Variants in WDR59 observed in about 807,000 individuals in gnomAD.
The protein encoded by WDR59 is WD repeat domain 59.
WDR59 carries 100 observed loss-of-function variants against 131.2 expected under a neutral mutation model. The observed-to-expected ratio is 0.76, with a 90% CI of 0.65 to 0.90. WDR59 has a LOEUF of 0.90. Among genes scored for constraint, WDR59 ranks in the 40% least tolerant of loss-of-function variants. The pLI is 0.00. For synonymous variants in WDR59, 601 were observed against 466.2 expected (o/e 1.29, Z -3.72); for missense variants, 1,203 against 1,262.2 (o/e 0.95, Z 0.71).
intron 25 of WDR59, among the ~76,000 whole-genome samples, chr16:74,880,291 C>T (rs1404989022): frequency 6.6e-6 from 1 of 151,834 alleles, no homozygotes; most frequent in African/African-American, 2.4e-5. Flanking sequence ...ACTAAAAATA[C>T]AAAAAATTAG....
intron 8 of WDR59, among the ~76,000 whole-genome samples, chr16:74,937,173 A>G (rs955212234): frequency 1.3e-5 from 2 of 152,222 alleles, no homozygotes; most frequent in African/African-American, 4.8e-5. Context: ...CCAAGGGTGA[A>G]CATCCCATGT....
chr16:74,906,110 C>A (rs956817795), intron 17 of WDR59, among the ~76,000 whole-genome samples: 1 of 151,418 alleles, frequency 6.6e-6, no homozygotes, highest in Non-Finnish European at 1.5e-5. Flanking sequence ...GTCAGCAGAT[C>A]GAGACCATCC....
chr16:74,952,538 T>C (rs2033067272), intron 3 of WDR59, among the ~76,000 whole-genome samples: 1 of 150,012 alleles, frequency 6.7e-6, no homozygotes, highest in Non-Finnish European at 1.5e-5. Context: ...CTTGAAATAA[T>C]GCCTGTATTT....
At chr16:74,913,053 A>G (rs1966179183) in intron 13 of WDR59, among the ~76,000 whole-genome samples, 1 of 110,240 alleles carries the variant, frequency 9.1e-6, no homozygotes, top group Non-Finnish European at 1.8e-5. Context: ...TTTTGGGGCC[A>G]GTTTATGGCT....
At chr16:74,957,140 G>C (rs367947589) in intron 2 of WDR59, among the ~76,000 whole-genome samples, 46 of 147,760 alleles carry the variant, frequency 3.1e-4, no homozygotes, top group African/African-American at 1.1e-3. Flanking sequence ...GAGTACTGTG[G>C]TATGATCTCA....
chr16:74,959,179 G>A (rs1486084562), intron 2 of WDR59, among the ~76,000 whole-genome samples: 1 of 152,216 alleles, frequency 6.6e-6, no homozygotes, highest in African/African-American at 2.4e-5. Context: ...GGGAAGTGCT[G>A]CACTAAGTCA....
intron 14 of WDR59, 136 bp downstream of exon 14, chr16:74,912,062 T>G (rs1455588971): frequency 8.4e-7 from 1 of 1,185,664 alleles, no homozygotes; most frequent in Non-Finnish European, 1.2e-6. Flanking sequence ...GTTCAGAGGT[T>G]ACGTTGCTAA....
intron 9 of WDR59, 51 bp downstream of exon 9, chr16:74,923,875 T>G (rs887171622): frequency 3.9e-6 from 6 of 1,528,648 alleles, no homozygotes; most frequent in Non-Finnish European, 5.4e-6. Flanking sequence ...TCCTTCTTTT[T>G]GGAACACCCA....
intron 23 of WDR59, 145 bp from the exon 24 acceptor site, chr16:74,886,541 A>C: frequency 8.8e-7 from 1 of 1,132,104 alleles, no homozygotes. Flanking sequence ...ATATAACTAA[A>C]TAGAACTCTC....
intron 25 of WDR59, among the ~76,000 whole-genome samples, chr16:74,884,548 A>G (rs1010270805): frequency 1.3e-5 from 2 of 152,132 alleles, no homozygotes; most frequent in Non-Finnish European, 2.9e-5. Context: ...GGGTTTCACC[A>G]TGTTGGCCAG....
chr16:74,879,701 C>G (rs1744952171), intron 25 of WDR59, among the ~76,000 whole-genome samples: 1 of 151,688 alleles, frequency 6.6e-6, no homozygotes, highest in South Asian at 2.1e-4. Flanking sequence ...TAATTACCTT[C>G]AGGAGAAAAA....
chr16:74,968,274 A>T (rs1230613689), intron 1 of WDR59, among the ~76,000 whole-genome samples: 1 of 152,188 alleles, frequency 6.6e-6, no homozygotes, highest in African/African-American at 2.4e-5. Flanking sequence ...GAAGTCAGAG[A>T]TTAAAAGGGT....
chr16:74,974,755 G>C (rs117366998), intron 1 of WDR59, among the ~76,000 whole-genome samples: 3,223 of 152,240 alleles, frequency 0.021, 59 homozygotes, highest in Non-Finnish European at 0.03. Context: ...GCCCTAAATA[G>C]AAATTGTGGG....
chr16:74,922,006 T>C lies in WDR59; in HGVS notation c.827A>G (p.His276Arg), dbSNP rs951357744. Reference protein sequence around the residue: ...WNVFDLNTPVHTFVGHDDVVL... With the variant: ...WNVFDLNTPVRTFVGHDDVVL... ...CACATCATCATGCCCCACGAAGGTG[T>C]GGACTGGGGTGTTCAAGTCAAAGAC... The change falls in exon 10 of 26, where the codon CAC becomes CGC. Residue 276 changes from histidine (H) to arginine (R), a missense_variant. Transcript: ENST00000262144. 3 of 1,613,984 alleles carry C rather than the reference T, an allele frequency of 1.9e-6. No homozygotes were observed. Among genetic ancestry groups the C allele is most frequent in the African/African-American group, 1.3e-5 (1 of 74,894 alleles).
At chr16:74,969,253 T>A (rs983688070) in intron 1 of WDR59, among the ~76,000 whole-genome samples, 2 of 152,172 alleles carry the variant, frequency 1.3e-5, no homozygotes, top group Non-Finnish European at 1.5e-5. Flanking sequence ...TGGCTACTTA[T>A]AAATATATAT....
intron 22 of WDR59, 42 bp from the exon 23 acceptor site, chr16:74,887,797 A>G: frequency 6.4e-7 from 1 of 1,571,718 alleles, no homozygotes; most frequent in Non-Finnish European, 8.8e-7. Context: ...TAGCATGAGA[A>G]TACCATTCCC....
chr16:74,895,528 G>T (rs1965258629), intron 18 of WDR59, among the ~76,000 whole-genome samples: 1 of 152,172 alleles, frequency 6.6e-6, no homozygotes, highest in African/African-American at 2.4e-5. Flanking sequence ...CTCCCAAAAT[G>T]CTAAGATTAC....
At chr16:74,922,130 G>A (rs1164039016) in intron 9 of WDR59, 27 bp from the exon 10 acceptor site, 12 of 1,612,930 alleles carry the variant, frequency 7.4e-6, no homozygotes, top group African/African-American at 4.0e-5. Context: ...AAAAGCAGGT[G>A]ATTAGATTAT....
chr16:74,944,677 C>G (rs941603164), intron 6 of WDR59, among the ~76,000 whole-genome samples: 1 of 152,010 alleles, frequency 6.6e-6, no homozygotes, highest in Non-Finnish European at 1.5e-5. Context: ...GATCCAGCAG[C>G]TTATCAAGGT....
Sources: gnomAD v4.1 joint callset for allele counts (sites outside exome capture counted in the v4.1 genomes callset) on GRCh38, gnomAD v4.1.1 for gene constraint, MANE v1.5 for transcripts, NCBI Gene and HGNC (gene_info 2026-07-23, HGNC 2026-07-21) for gene names.